Variants in SPG21 observed in about 807,000 individuals in gnomAD.
SPG21 encodes the protein maspardin.
SPG21 carries 26 observed loss-of-function variants against 38.9 expected under a neutral mutation model. The observed-to-expected ratio is 0.67, with a 90% CI of 0.49 to 0.93. The LOEUF is 0.93. SPG21 is among the 40% of genes least tolerant of loss of function. The pLI is 0.00. For missense variants in SPG21, 333 were observed against 376.5 expected, an observed-to-expected ratio of 0.88 and a Z score of 0.96; for synonymous variants, 136 against 128.9, an observed-to-expected ratio of 1.05 and a Z score of -0.37.
At chr15:64,973,691 C>T (rs1445637247) in intron 5 of SPG21, among the ~76,000 whole-genome samples, 3 of 152,096 alleles carry the variant, frequency 2.0e-5, no homozygotes, top group Admixed American at 6.5e-5. Context: ...TCAGGTGATC[C>T]GGCCGCCTCG....
chr15:64,985,065 T>G (rs2085964451), intron 1 of SPG21, among the ~76,000 whole-genome samples: 1 of 152,180 alleles, frequency 6.6e-6, no homozygotes, highest in African/African-American at 2.4e-5. Flanking sequence ...TAGTTCTTAA[T>G]ACAAAATACA....
intron 5 of SPG21, among the ~76,000 whole-genome samples, chr15:64,972,289 T>A (rs182524814): frequency 1.3e-5 from 2 of 152,318 alleles, no homozygotes; most frequent in Admixed American, 1.3e-4. Context: ...TTGACTTTGC[T>A]CACTCCTGGA....
intron 1 of SPG21, among the ~76,000 whole-genome samples, chr15:64,986,425 C>T (rs1333474751): frequency 6.6e-6 from 1 of 151,644 alleles, no homozygotes; most frequent in Non-Finnish European, 1.5e-5. Flanking sequence ...GCGGCTCACA[C>T]CTGTAATCCC....
chr15:64,988,480 A>G (rs2086043867), intron 1 of SPG21: 1 of 152,252 alleles, frequency 6.6e-6, no homozygotes, highest in Non-Finnish European at 1.5e-5. Context: ...GGGAGATGCA[A>G]CTGGCTTTTT....
At chr15:64,974,551 AG>A in intron 5 of SPG21, 50 bp downstream of exon 5, 1 of 1,608,364 alleles carries the variant, frequency 6.2e-7, no homozygotes, top group Non-Finnish European at 8.5e-7. Flanking sequence ...AACACTCAAA[AG>A]CCAACATTTT....
chr15:64,980,938 G>T lies in SPG21; in HGVS notation c.151C>A (p.Pro51Thr). The change falls in exon 3 of 9, where the codon CCT (proline) becomes ACT (threonine). Residue 51 changes from proline to threonine, a missense_variant. Coordinates refer to ENST00000204566, the MANE Select transcript of SPG21 (RefSeq NM_016630.7). ...SIRCPLIFLP[P>T]VSGTADVFFR... ...AAGACATCTGCAGTTCCACTGACAG[G>T]GGGCAGGAATATGAGAGGACACCTG... is the stretch of plus-strand genomic sequence containing the variant. The T allele has an allele frequency of 6.2e-7, 1 of 1,614,120 alleles. No individual in the cohort carries two copies. The highest frequency in any genetic ancestry group is 2.2e-5 in the East Asian group (1 of 44,886).
chr15:64,966,901 AAAAAC>A (rs1338481189), intron 7 of SPG21, among the ~76,000 whole-genome samples: 43 of 198 alleles, frequency 0.22, no homozygotes, highest in African/African-American at 0.34. Flanking sequence ...TTTGTCTCAA[AAAAAC>A]AAAAACAAAA....
intron 2 of SPG21, among the ~76,000 whole-genome samples, chr15:64,982,708 G>A (rs1428182303): frequency 6.6e-6 from 1 of 152,196 alleles, no homozygotes; most frequent in Non-Finnish European, 1.5e-5. Context: ...TTGGGAAGCA[G>A]AGTCAATACT....
chr15:64,981,059 C>T (rs751159284), intron 2 of SPG21, 34 bp from the exon 3 acceptor site: 2 of 1,613,632 alleles, frequency 1.2e-6, no homozygotes, highest in Non-Finnish European at 1.7e-6. Flanking sequence ...AAGTGGAAAA[C>T]CTTATAAATT....
rs1308591986 is a variant in SPG21 at position 64,974,635 on chromosome 15, G to A, written c.419C>T (p.Thr140Ile). ...AGTCCAAGTTTGGTTGAAGATAGAG[G>A]TGTCACTGAAGGAATTGCAGAGGAT... ...SLILCNSFSD[T>I]SIFNQTWTAN... Residue 140 changes from threonine (T) to isoleucine (I), a missense_variant, in exon 5 of 9, where the codon ACC becomes ATC. Thr to Ile is a moderately conservative substitution (Grantham distance 89, BLOSUM62 -1). Coordinates refer to ENST00000204566, the MANE Select transcript of SPG21 (RefSeq NM_016630.7). The A allele has an allele frequency of 1.9e-6, 3 of 1,614,062 alleles. No individual in the cohort carries two copies. Among genetic ancestry groups the A allele is most frequent in the African/African-American group, 1.3e-5 (1 of 74,912 alleles).
At chr15:64,964,238 C>T (rs958741849) in intron 8 of SPG21, among the ~76,000 whole-genome samples, 1 of 152,148 alleles carries the variant, frequency 6.6e-6, no homozygotes, top group Admixed American at 6.5e-5. Flanking sequence ...GATCTTTGTT[C>T]CTCACTCCCT....
At chr15:64,963,946 AG>A (rs1274310968) in intron 8 of SPG21, among the ~76,000 whole-genome samples, 2 of 151,912 alleles carry the variant, frequency 1.3e-5, no homozygotes, top group East Asian at 1.9e-4. Flanking sequence ...TAGTAGAGAC[AG>A]GGTTTCACCA....
At position 64,974,693 on chromosome 15, in the gene SPG21, A is replaced by C; in HGVS notation, c.361T>G (p.Tyr121Asp). 1 of 1,614,168 alleles carries C rather than the reference A, an allele frequency of 6.2e-7. No individual in the cohort carries two copies. The highest frequency in any genetic ancestry group is 8.5e-7 in the Non-Finnish European group (1 of 1,180,022). ...TGGACTCTAGGAGATTTGTGAGTGT[A>C]TTCAGCAAATTTCTGGGCCAAAAAG... is the stretch of plus-strand genomic sequence containing the variant. ...GGFLAQKFAEYTHKSPRVHSL... is the reference protein window; with the variant it reads ...GGFLAQKFAEDTHKSPRVHSL... The change falls in exon 5 of 9, where the codon TAC (tyrosine) becomes GAC (aspartate). Residue 121 changes from tyrosine to aspartate, a missense_variant. Tyr to Asp is a radical substitution (Grantham distance 160). Transcript: ENST00000204566.
At chr15:64,977,816 A>G (rs2085811064) in intron 3 of SPG21, among the ~76,000 whole-genome samples, 1 of 151,816 alleles carries the variant, frequency 6.6e-6, no homozygotes, top group African/African-American at 2.4e-5. Context: ...TTTGTCCCCT[A>G]AGAATTCCTT....
At chr15:64,964,549 C>G (rs965575046) in intron 8 of SPG21, among the ~76,000 whole-genome samples, 1 of 152,200 alleles carries the variant, frequency 6.6e-6, no homozygotes, top group East Asian at 1.9e-4. Context: ...TCTTGCCAAA[C>G]TGCCAGGGCA....
At position 64,989,903 on chromosome 15, in the gene SPG21, C is replaced by A. The variant is rs1378089549; in HGVS notation, c.-263G>T. 2 of 152,114 alleles carry A rather than the reference C, an allele frequency of 1.3e-5. No individual in the cohort carries two copies. The highest frequency in any genetic ancestry group is 6.5e-5 in the Admixed American group (1 of 15,286). The allele number at this position is 152,114 out of a possible 1,614,324, so 9.4% of individuals were successfully genotyped here. A position where few individuals can be genotyped will look rare whatever the true frequency, so the allele number is the denominator to read the frequency against. ...CCCCGCCCGACCGCCGCTCAGCTGG[C>A]GCGAGACTCCCGCTTCCGGGTTCTC... On this transcript the variant is annotated 5_prime_UTR_variant, in exon 1 of 9. Coordinates refer to ENST00000204566, the MANE Select transcript of SPG21 (RefSeq NM_016630.7).
chr15:64,971,204 C>T (rs561785336), intron 5 of SPG21, among the ~76,000 whole-genome samples: 11 of 152,196 alleles, frequency 7.2e-5, no homozygotes, highest in African/African-American at 2.6e-4. Context: ...ACTACGGGCT[C>T]GTACCACCAG....
intron 1 of SPG21, among the ~76,000 whole-genome samples, chr15:64,983,875 T>G (rs1396499290): frequency 1.3e-5 from 2 of 151,648 alleles, no homozygotes; most frequent in Non-Finnish European, 2.9e-5. Flanking sequence ...CTCTACCTCC[T>G]GCAGTTCAAG....
chr15:64,978,638 C>T (rs1335017087), intron 3 of SPG21, among the ~76,000 whole-genome samples: 1 of 152,090 alleles, frequency 6.6e-6, no homozygotes, highest in African/African-American at 2.4e-5. Flanking sequence ...AAGACTTCCA[C>T]CATTCCAAGA....
Sources: allele counts gnomAD v4.1 joint callset (sites outside exome capture counted in the v4.1 genomes callset), GRCh38; gene constraint gnomAD v4.1.1; transcripts MANE v1.5; gene names NCBI Gene and HGNC (gene_info 2026-07-23, HGNC 2026-07-21).